Variants in IL17REL observed in about 807,000 individuals in gnomAD.
The protein encoded by IL17REL is interleukin 17 receptor E like.
In IL17REL, 36 loss-of-function variants were observed where a neutral mutation model predicts 49.0. The ratio of observed to expected loss-of-function variants is 0.73; its 90% confidence interval spans 0.56 to 0.97. The LOEUF is 0.97. IL17REL is among the 50% of genes least tolerant of loss of function. The pLI is 0.00. For synonymous variants in IL17REL, 206 were observed against 192.4 expected, an observed-to-expected ratio of 1.07 and a Z score of -0.58; for missense variants, 470 against 453.9, an observed-to-expected ratio of 1.04 and a Z score of -0.32.
At chr22:49,996,971 C>A in intron 12 of IL17REL, 23 bp downstream of exon 14, 1 of 1,288,882 alleles carries the variant, frequency 7.8e-7, no homozygotes, top group Non-Finnish European at 1.1e-6. Flanking sequence ...TGGCTAGGGG[C>A]TGGGCACAGC....
exon 4 of IL17REL, chr22:50,000,532 T>G (rs756243579): frequency 6.2e-7 from 1 of 1,613,628 alleles, no homozygotes; most frequent in Non-Finnish European, 8.5e-7. Context: ...GGGATGGTCC[T>G]CAGGGTGACA....
chr22:50,003,587 C>T (rs2061090880), intron 1 of IL17REL, among the ~76,000 whole-genome samples: 1 of 149,878 alleles, frequency 6.7e-6, no homozygotes, highest in Non-Finnish European at 1.5e-5. Context: ...CTTTGAGAGG[C>T]CACTGCACCC....
chr22:50,000,646 C>T, intron 3 of IL17REL, 54 bp from the exon 5 acceptor site: 2 of 1,562,390 alleles, frequency 1.3e-6, no homozygotes, highest in Non-Finnish European at 1.8e-6. Flanking sequence ...CCCACCCCAC[C>T]CGGCCAGCTC....
At chr22:50,006,821 G>A (rs1433326428) in intron 1 of IL17REL, among the ~76,000 whole-genome samples, 1 of 151,888 alleles carries the variant, frequency 6.6e-6, no homozygotes, top group Non-Finnish European at 1.5e-5. Flanking sequence ...CAGGCATGGT[G>A]GCACATGCCT....
chr22:50,010,227 G>A (rs2061131840), upstream of IL17REL, among the ~76,000 whole-genome samples: 3 of 152,372 alleles, frequency 2.0e-5, no homozygotes, highest in Non-Finnish European at 4.4e-5. Flanking sequence ...CCTGATGGAA[G>A]CCCCGGCCTC....
Position 49,997,019 on chromosome 22 carries a change from G to C in IL17REL, c.*19C>G, listed in dbSNP as rs200651253. On this transcript the variant is annotated 3_prime_UTR_variant, in exon 12 of 13. Coordinates refer to ENST00000341280, the Ensembl canonical transcript of IL17REL. Reference sequence around the variant, plus strand: ...CTGGATGCAGATGCCTGGGGCACAGGCCTCCTCCCTGGGAAGGTCTAGGAA... The same window carrying C: ...CTGGATGCAGATGCCTGGGGCACAGCCCTCCTCCCTGGGAAGGTCTAGGAA... The C allele has an allele frequency of 1.7e-5, 26 of 1,544,174 alleles. No homozygotes were observed. In the East Asian group the frequency reaches 5.6e-4, roughly 33 times the overall value.
chr22:50,000,236 G>T (rs1287231664), intron 4 of IL17REL, among the ~76,000 whole-genome samples: 1 of 152,214 alleles, frequency 6.6e-6, no homozygotes, highest in African/African-American at 2.4e-5. Flanking sequence ...CCTCCTCTCC[G>T]CAGTCTGCAA....
exon 2 of IL17REL, chr22:50,001,162 G>A (rs754650566): frequency 2.2e-5 from 36 of 1,605,392 alleles, no homozygotes; most frequent in Non-Finnish European, 2.8e-5. Context: ...AGTGGAGGAC[G>A]TCAGGGCCTC....
chr22:49,993,380 C>T (rs773254394), downstream of IL17REL, among the ~76,000 whole-genome samples: 2 of 152,212 alleles, frequency 1.3e-5, no homozygotes, highest in Non-Finnish European at 2.9e-5. This position sits in a 1 kb window ranked among gnomAD's most constrained non-coding sequence, Gnocchi z 6.0. Context: ...CCGGGGTCCT[C>T]AGCACTTTTC....
At chr22:50,000,887 GGGTGCATCAGAGCAGGGCCGCCCCT>G (rs2061075335) in intron 2 of IL17REL, 24 bp from the exon 4 acceptor site, 1 of 1,495,762 alleles carries the variant, frequency 6.7e-7, no homozygotes, top group Admixed American at 2.3e-5. Flanking sequence ...GGACCCGGCA[GGGTGCATCAGAGCAGGGCCGCCCCT>G]GGCTCCGGAC....
intron 12 of IL17REL, 21 bp from the exon 15 acceptor site, chr22:49,996,881 C>G: frequency 1.6e-6 from 1 of 616,950 alleles, no homozygotes; most frequent in East Asian, 2.9e-5. Flanking sequence ...AAGGCAGCTC[C>G]GTCAACATGG....
chr22:50,011,961 C>T (rs1249257003), upstream of IL17REL, among the ~76,000 whole-genome samples: 2 of 152,242 alleles, frequency 1.3e-5, no homozygotes, highest in African/African-American at 4.8e-5. Context: ...ACCTTCTGTG[C>T]CCTTTCCATG....
intron 4 of IL17REL, 27 bp from the exon 7 acceptor site, chr22:49,999,994 C>T (rs2146746303): frequency 6.7e-7 from 1 of 1,483,472 alleles, no homozygotes; most frequent in Non-Finnish European, 9.0e-7. Context: ...GTCGGGGCCG[C>T]GCTGGGACCA....
In IL17REL at chr22:49,997,497, AG is replaced by A; in HGVS notation, c.878-82del. 1 of 1,456,346 alleles carries A rather than the reference AG, an allele frequency of 6.9e-7. No individual in the cohort carries two copies. Among genetic ancestry groups the A allele is most frequent in the Non-Finnish European group, 9.5e-7 (1 of 1,052,576 alleles). The allele number at this position is 1,456,346 out of a possible 1,614,324, so 90.2% of individuals were successfully genotyped here. ...TCATTTTCCAGGCTGTGGGGAGTGA[AG>A]GGTGAGACCCCCATCCGGCCCAGCA... On this transcript the variant is annotated intron_variant, in intron 10 of 12. Transcript: ENST00000341280.
In IL17REL at chr22:49,997,028, C is replaced by A. The variant is rs768019968; in HGVS notation, c.*10G>T. 4 of 1,552,666 alleles carry A rather than the reference C, an allele frequency of 2.6e-6. No individual in the cohort carries two copies. The East Asian group carries it at 6.9e-5, about 27-fold the overall frequency. The stretch of plus-strand genomic sequence containing the variant: ...GATGCCTGGGGCACAGGCCTCCTCC[C>A]TGGGAAGGTCTAGGAAGGCAAAAGC... On this transcript the variant is annotated 3_prime_UTR_variant, in exon 12 of 13. Coordinates refer to ENST00000341280, the Ensembl canonical transcript of IL17REL.
At chr22:50,002,552 T>G (rs1029207912) in intron 1 of IL17REL, among the ~76,000 whole-genome samples, 1 of 149,160 alleles carries the variant, frequency 6.7e-6, no homozygotes, top group Admixed American at 6.8e-5. Context: ...TGGAGCATAG[T>G]GGAGTGATCT....
chr22:49,992,398 G>A (rs528149318), downstream of IL17REL, among the ~76,000 whole-genome samples: 195 of 152,284 alleles, frequency 1.3e-3, 1 homozygote, highest in African/African-American at 4.4e-3. Context: ...ACATCACCTT[G>A]TCTGAGCCTC....
chr22:50,008,788 T>C (rs2061123538), upstream of IL17REL: 1 of 152,752 alleles, frequency 6.5e-6, no homozygotes, highest in Non-Finnish European at 1.5e-5. Context: ...TTCTCCTCAG[T>C]GTCAGGGGCC....
chr22:49,994,285 TG>T (rs370342560), downstream of IL17REL, among the ~76,000 whole-genome samples: 101 of 142,504 alleles, frequency 7.1e-4, no homozygotes, highest in East Asian at 0.021. Context: ...TGGGGACACT[TG>T]GATGGGGATG....
Sources: allele counts gnomAD v4.1 joint callset (sites outside exome capture counted in the v4.1 genomes callset), GRCh38; gene constraint gnomAD v4.1.1; non-coding constraint Gnocchi (gnomAD v3.1); transcripts MANE v1.5; gene names NCBI Gene and HGNC (gene_info 2026-07-23, HGNC 2026-07-21).